ERBB4: variants seen among roughly 807,000 people sequenced by gnomAD.
ERBB4 encodes the protein erb-b2 receptor tyrosine kinase 4.
ERBB4 carries 42 observed loss-of-function variants against 158.0 expected under a neutral mutation model. The observed-to-expected ratio is 0.27, with a 90% CI of 0.21 to 0.34. The LOEUF is 0.34. ERBB4 is among the 10% of genes least tolerant of loss of function. The probability of loss-of-function intolerance (pLI) is 1.00; values close to 1 mark genes in which losing one functional copy is unlikely to be tolerated. For missense variants in ERBB4, 1,333 were observed against 1,624.1 expected (o/e 0.82, Z 3.08); for synonymous variants, 583 against 558.7 (o/e 1.04, Z -0.61).
At chr2:212,363,215 T>C (rs1438769276) in intron 1 of ERBB4, among the ~76,000 whole-genome samples, 1 of 151,446 alleles carries the variant, frequency 6.6e-6, no homozygotes, top group Non-Finnish European at 1.5e-5. Flanking sequence ...AAGTAGCCCA[T>C]GCAGACTTGT....
intron 1 of ERBB4, among the ~76,000 whole-genome samples, chr2:212,435,665 T>A (rs1184114064): frequency 6.6e-6 from 1 of 151,792 alleles, no homozygotes; most frequent in Non-Finnish European, 1.5e-5. Flanking sequence ...ACACACGAAA[T>A]CCCAGGTTCT....
At chr2:211,570,670 C>T (rs1321233975) in intron 19 of ERBB4, among the ~76,000 whole-genome samples, 4 of 152,172 alleles carry the variant, frequency 2.6e-5, no homozygotes, top group African/African-American at 9.7e-5. Flanking sequence ...TTACCACCTT[C>T]ACTGTAACTA....
chr2:211,890,461 G>A (rs1056979827), intron 3 of ERBB4, among the ~76,000 whole-genome samples: 1 of 151,882 alleles, frequency 6.6e-6, no homozygotes, highest in Non-Finnish European at 1.5e-5. Flanking sequence ...ATGCCAAAAT[G>A]TACAGACCAT....
intron 20 of ERBB4, among the ~76,000 whole-genome samples, chr2:211,532,446 T>A (rs1220970313): frequency 6.6e-6 from 1 of 151,798 alleles, no homozygotes; most frequent in African/African-American, 2.4e-5. Context: ...ATATAAAAAA[T>A]TAACTAAAAA....
chr2:212,469,503 G>A (rs747463067), intron 1 of ERBB4, among the ~76,000 whole-genome samples: 8 of 152,122 alleles, frequency 5.3e-5, no homozygotes, highest in Non-Finnish European at 8.8e-5. Flanking sequence ...CTAGTTCAGA[G>A]AAATGTGATT....
rs916995193 is a variant in ERBB4 at position 211,382,427 on chromosome 2, T to C, written c.*1188A>G. The C allele has an allele frequency of 8.6e-6, 2 of 232,420 alleles. No individual in the cohort carries two copies. Among genetic ancestry groups the C allele is most frequent in the Admixed American group, 1.1e-4 (2 of 17,732 alleles). The allele number at this position is 232,420 out of a possible 1,614,324, so 14.4% of individuals were successfully genotyped here. On this transcript the variant is annotated 3_prime_UTR_variant, in exon 28 of 28. Coordinates refer to ENST00000342788, the MANE Select transcript of ERBB4 (RefSeq NM_005235.3). Reference sequence around the variant, plus strand: ...ACAGTCTTTATCTTAGCTCTTTTTTTAAAAATGTACTTAAATTAGTTAATT... The same window carrying C: ...ACAGTCTTTATCTTAGCTCTTTTTTCAAAAATGTACTTAAATTAGTTAATT...
chr2:211,554,464 C>T (rs1469358578), intron 20 of ERBB4, among the ~76,000 whole-genome samples: 1 of 152,200 alleles, frequency 6.6e-6, no homozygotes, highest in Non-Finnish European at 1.5e-5. Flanking sequence ...CACACATTCC[C>T]ACCCACACAG....
At chr2:212,203,624 C>G (rs2082651671) in intron 1 of ERBB4, among the ~76,000 whole-genome samples, 1 of 152,214 alleles carries the variant, frequency 6.6e-6, no homozygotes, top group Admixed American at 6.5e-5. Flanking sequence ...TTTGGCATCA[C>G]AGACCACCAC....
In ERBB4 at chr2:212,429,754, G is replaced by A. The variant is rs570277544; in HGVS notation, c.82+108695C>T. On this transcript the variant is annotated intron_variant, in intron 1 of 27. Coordinates refer to ENST00000342788, the MANE Select transcript of ERBB4 (RefSeq NM_005235.3). ...GTTAGATTCAAACCTGTCTAGGTCTGACCCCAGAGCCTGTTCACCTAATGA... is the reference window on the plus strand; with the variant it reads ...GTTAGATTCAAACCTGTCTAGGTCTAACCCCAGAGCCTGTTCACCTAATGA... 6.0e-4 allele frequency among the ~76,000 whole-genome samples: 92 copies of A among 152,154 alleles called. 2 individuals carry two copies. The highest frequency in any genetic ancestry group is 2.1e-3 in the African/African-American group (89 of 41,526).
chr2:211,483,561 G>A (rs141195279), intron 20 of ERBB4, among the ~76,000 whole-genome samples: 42 of 147,342 alleles, frequency 2.9e-4, no homozygotes, highest in African/African-American at 1.0e-3. Context: ...TGGTTTTTGT[G>A]TTTTTTTTGA....
chr2:212,060,597 T>G (rs1418750213), intron 2 of ERBB4, among the ~76,000 whole-genome samples: 1 of 142,024 alleles, frequency 7.0e-6, no homozygotes, highest in African/African-American at 2.5e-5. Context: ...TAAGAGTATG[T>G]GGCACATATA....
At chr2:211,478,814 T>C (rs1574569625) in intron 20 of ERBB4, among the ~76,000 whole-genome samples, 1 of 152,256 alleles carries the variant, frequency 6.6e-6, no homozygotes, top group East Asian at 1.9e-4. Flanking sequence ...AATGGTAACA[T>C]CCTTTTTTCT....
chr2:211,883,027 C>G (rs2078703412), intron 3 of ERBB4, among the ~76,000 whole-genome samples: 1 of 152,104 alleles, frequency 6.6e-6, no homozygotes, highest in Non-Finnish European at 1.5e-5. Flanking sequence ...TGGCATTATT[C>G]ACAATAGCAA....
intron 12 of ERBB4, among the ~76,000 whole-genome samples, chr2:211,695,820 G>A (rs1034565941): frequency 6.6e-6 from 1 of 151,818 alleles, no homozygotes; most frequent in African/African-American, 2.4e-5. Context: ...ATTAAATATT[G>A]TATCTTCACA....
intron 20 of ERBB4, among the ~76,000 whole-genome samples, chr2:211,533,440 G>A: frequency 6.6e-6 from 1 of 151,892 alleles, no homozygotes; most frequent in East Asian, 1.9e-4. Context: ...TAAAGAAATG[G>A]ATATTCATAA....
rs77250807 is a variant in ERBB4, at chr2:211,654,011, A to G, written c.1946+3743T>C. Among the ~76,000 whole-genome samples the G allele has an allele frequency of 4.1e-3, 626 of 152,182 alleles. 4 individuals are homozygous for G. Among genetic ancestry groups the G allele is most frequent in the African/African-American group, 0.014 (592 of 41,512 alleles). On this transcript the variant is annotated intron_variant, in intron 16 of 27. Transcript: ENST00000342788. The stretch of plus-strand genomic sequence containing the variant: ...TTTCATTTGTAGTTTTTGTCCTCCT[A>G]TTATGTAAGATTCACTTCAATCAAT...
At chr2:212,267,202 A>C (rs2106106209) in intron 1 of ERBB4, among the ~76,000 whole-genome samples, 1 of 152,178 alleles carries the variant, frequency 6.6e-6, no homozygotes, top group South Asian at 2.1e-4. Context: ...TGCTTTGTGA[A>C]CATGCATTTC....
At chr2:212,377,767 A>C (rs953287513) in intron 1 of ERBB4, among the ~76,000 whole-genome samples, 2 of 151,950 alleles carry the variant, frequency 1.3e-5, no homozygotes, top group Non-Finnish European at 2.9e-5. Context: ...TTCTTCAATA[A>C]TATAACCTTA....
intron 19 of ERBB4, among the ~76,000 whole-genome samples, chr2:211,604,734 CTGT>C (rs1244058883): frequency 1.3e-5 from 2 of 152,172 alleles, no homozygotes; most frequent in Non-Finnish European, 2.9e-5. Flanking sequence ...GATCGACCGA[CTGT>C]TAACTTTGAA....
Sources: gnomAD v4.1 joint callset for allele counts (sites outside exome capture counted in the v4.1 genomes callset) on GRCh38, gnomAD v4.1.1 for gene constraint, MANE v1.5 for transcripts, NCBI Gene and HGNC (gene_info 2026-07-23, HGNC 2026-07-21) for gene names.